Variants in PHACTR3 observed in about 807,000 individuals in gnomAD.
PHACTR3 encodes the protein phosphatase and actin regulator 3.
Under a neutral mutation model 66.8 loss-of-function variants are expected in PHACTR3, and 16 were observed. The ratio of observed to expected loss-of-function variants is 0.24; its 90% CI spans 0.16 to 0.36. PHACTR3 has a LOEUF of 0.36. Ranked by LOEUF, PHACTR3 falls within the 10% of genes least tolerant of loss-of-function variation. The probability of loss-of-function intolerance (pLI) is 1.00; values close to 1 mark genes in which losing one functional copy is unlikely to be tolerated. For synonymous variants in PHACTR3, 323 were observed against 292.1 expected (o/e 1.11, Z -1.08); for missense variants, 647 against 719.9 (o/e 0.90, Z 1.16).
rs550158062 is a variant in PHACTR3 at position 59,831,111 on chromosome 20, C to T, written c.1329-5394C>T. Among the ~76,000 whole-genome samples the T allele has an allele frequency of 1.6e-3, 238 of 152,296 alleles. 1 individual carries two copies. The highest frequency in any genetic ancestry group is 2.2e-3 in the Non-Finnish European group (149 of 68,018). On this transcript the variant is annotated intron_variant, in intron 8 of 12. Coordinates refer to ENST00000371015, the MANE Select transcript of PHACTR3 (RefSeq NM_080672.5). ...TCGTAGGTGACTGCTACAGATCTGT[C>T]GTGTGAGAGGCACTCGGAACCAGGA...
chr20:59,806,326 C>T (rs564631407), intron 8 of PHACTR3, 132 bp downstream of exon 8: 27 of 1,197,012 alleles, frequency 2.3e-5, no homozygotes, highest in South Asian at 1.5e-4. Flanking sequence ...CTCTTGACCC[C>T]GCCACCGTTG....
intron 1 of PHACTR3, among the ~76,000 whole-genome samples, chr20:59,727,345 A>T (rs990511482): frequency 6.6e-6 from 1 of 152,008 alleles, no homozygotes; most frequent in South Asian, 2.1e-4. Context: ...TTGTCCGCTG[A>T]TGGACATTTG....
intron 7 of PHACTR3, among the ~76,000 whole-genome samples, chr20:59,777,362 C>T (rs1407390303): frequency 6.6e-6 from 1 of 152,192 alleles, no homozygotes; most frequent in Non-Finnish European, 1.5e-5. Flanking sequence ...TTTCAACCCC[C>T]TGATTCCACT....
At chr20:59,789,454 T>C (rs112580603) in intron 7 of PHACTR3, among the ~76,000 whole-genome samples, 62 of 137,378 alleles carry the variant, frequency 4.5e-4, no homozygotes, top group African/African-American at 1.6e-3. Context: ...TCAAACAGAA[T>C]GAAGAGATCT....
chr20:59,686,742 GA>G (rs2036889623), intron 1 of PHACTR3, among the ~76,000 whole-genome samples: 2 of 98,770 alleles, frequency 2.0e-5, no homozygotes, highest in African/African-American at 7.7e-5. Context: ...TGGTGGTGAT[GA>G]TGGTGATGAT....
chr20:59,680,392 G>A lies in PHACTR3; in HGVS notation c.119-62715G>A, dbSNP rs537062036. On this transcript the variant is annotated intron_variant, in intron 1 of 12. Coordinates refer to ENST00000371015, the MANE Select transcript of PHACTR3 (RefSeq NM_080672.5). ...GAGAACTGCCTTAATGTTCAGAAAC[G>A]GTCCAGTGGTGGCAGGCTGGACAAC... Among the ~76,000 whole-genome samples the A allele has an allele frequency of 8.5e-5, 13 of 152,170 alleles. 1 individual carries two copies. The highest frequency in any genetic ancestry group is 2.4e-4 in the African/African-American group (10 of 41,538).
In PHACTR3 at chr20:59,762,154, G is replaced by A. The variant is rs531047551; in HGVS notation, c.542-5032G>A. ...CCATCAGGCAGGCTAAGGATGTGAG[G>A]GTTCAGTGTGTGGTGAGGATGGATG... On this transcript the variant is annotated intron_variant, in intron 4 of 12. Coordinates refer to ENST00000371015, the MANE Select transcript of PHACTR3 (RefSeq NM_080672.5). Among the ~76,000 whole-genome samples the A allele has an allele frequency of 7.9e-5, 12 of 152,350 alleles. No individual in the cohort carries two copies. In the South Asian group the frequency reaches 2.5e-3, roughly 32 times the overall value.
intron 3 of PHACTR3, among the ~76,000 whole-genome samples, chr20:59,754,406 C>G (rs899766368): frequency 1.3e-5 from 2 of 152,214 alleles, no homozygotes; most frequent in African/African-American, 4.8e-5. Context: ...GGGTGTGCCC[C>G]GTTCCTGGGC....
intron 7 of PHACTR3, among the ~76,000 whole-genome samples, chr20:59,800,898 C>T (rs965725208): frequency 6.6e-6 from 1 of 151,196 alleles, no homozygotes; most frequent in African/African-American, 2.5e-5. Flanking sequence ...CAACAGCTAA[C>T]TCCCATTCCA....
At chr20:59,800,045 A>G (rs770479533) in intron 7 of PHACTR3, among the ~76,000 whole-genome samples, 4 of 152,188 alleles carry the variant, frequency 2.6e-5, no homozygotes, top group Non-Finnish European at 5.9e-5. Flanking sequence ...AAGCAATAGT[A>G]TGCTAATTCA....
chr20:59,801,902 C>T (rs1056736843), intron 7 of PHACTR3, among the ~76,000 whole-genome samples: 1 of 152,194 alleles, frequency 6.6e-6, no homozygotes, highest in Non-Finnish European at 1.5e-5. Flanking sequence ...CCTGACCAAG[C>T]TTAGCGAGAC....
intron 1 of PHACTR3, among the ~76,000 whole-genome samples, chr20:59,707,155 C>T (rs1425735849): frequency 6.6e-6 from 1 of 152,230 alleles, no homozygotes; most frequent in African/African-American, 2.4e-5. Flanking sequence ...GCCAGCAGGG[C>T]TCTGCTGTCT....
upstream of PHACTR3, among the ~76,000 whole-genome samples, chr20:59,602,234 C>T (rs911368732): frequency 2.6e-4 from 39 of 152,128 alleles, no homozygotes; most frequent in East Asian, 7.7e-4. Context: ...TGCCAGCCAG[C>T]GAGGCTGTGC....
At chr20:59,767,602 C>T (rs926765912) in intron 5 of PHACTR3, among the ~76,000 whole-genome samples, 2 of 152,124 alleles carry the variant, frequency 1.3e-5, no homozygotes, top group African/African-American at 4.8e-5. Flanking sequence ...CAGGGCAGGC[C>T]CAGAGGAGTA....
rs2042347306 is a variant in PHACTR3 at position 59,830,860 on chromosome 20, G to T, written c.1329-5645G>T. 1.3e-5 allele frequency among the ~76,000 whole-genome samples: 2 copies of T among 152,190 alleles called. No individual in the cohort carries two copies. Among genetic ancestry groups the T allele is most frequent in the South Asian group, 4.1e-4 (2 of 4,836 alleles). On this transcript the variant is annotated intron_variant, in intron 8 of 12. Coordinates refer to ENST00000371015, the MANE Select transcript of PHACTR3 (RefSeq NM_080672.5). The surrounding 1 kb of genome is among the most constrained non-coding windows in gnomAD (Gnocchi z 5.8). ...GAACTGGAATCCTAGCTCTGTGCCA[G>T]TGCTGGGGCACCAGTGCTGACTGTG... is the stretch of plus-strand genomic sequence containing the variant.
chr20:59,670,617 G>T lies in PHACTR3; in HGVS notation c.118+65485G>T, dbSNP rs1160150256. Among the ~76,000 whole-genome samples, 20 of 120,394 alleles carry T rather than the reference G, an allele frequency of 1.7e-4. 1 individual carries two copies. Among genetic ancestry groups the T allele is most frequent in the Non-Finnish European group, 2.1e-4 (12 of 56,736 alleles). 79.0% of individuals were successfully genotyped at this position (120,394 alleles called of 152,430 possible). ...CATCTGCCGGGGGTGGGGGGGGGGGGCAGGCACTTTTACTGTTTCCATCCT... is the reference window on the plus strand; with the variant it reads ...CATCTGCCGGGGGTGGGGGGGGGGGTCAGGCACTTTTACTGTTTCCATCCT... On this transcript the variant is annotated intron_variant, in intron 1 of 12. Coordinates refer to ENST00000371015, the MANE Select transcript of PHACTR3 (RefSeq NM_080672.5).
chr20:59,686,678 TGATG>T, intron 1 of PHACTR3, among the ~76,000 whole-genome samples: 1 of 150,996 alleles, frequency 6.6e-6, no homozygotes, highest in South Asian at 2.1e-4. Context: ...ATGGTGATGA[TGATG>T]GTGATGATGA....
chr20:59,841,592 T>G, intron 11 of PHACTR3, 57 bp downstream of exon 11: 4 of 1,551,950 alleles, frequency 2.6e-6, no homozygotes, highest in Non-Finnish European at 3.5e-6. Flanking sequence ...AGGCAAAATA[T>G]GTCATGCCAG....
chr20:59,786,082 C>T (rs908040471), intron 7 of PHACTR3, among the ~76,000 whole-genome samples: 4 of 152,238 alleles, frequency 2.6e-5, no homozygotes, highest in Non-Finnish European at 5.9e-5. Context: ...TGAGTCAGTT[C>T]GGTGTTTTGC....
Sources: allele counts gnomAD v4.1 joint callset (sites outside exome capture counted in the v4.1 genomes callset), GRCh38; gene constraint gnomAD v4.1.1; non-coding constraint Gnocchi (gnomAD v3.1); transcripts MANE v1.5; gene names NCBI Gene and HGNC (gene_info 2026-07-23, HGNC 2026-07-21).